Variants in ZHX2 observed in about 807,000 individuals in gnomAD.
ZHX2 encodes the protein zinc fingers and homeoboxes 2.
In ZHX2, 6 loss-of-function variants were observed where a neutral mutation model predicts 21.9. The observed-to-expected ratio is 0.27, with a 90% CI of 0.15 to 0.54. ZHX2 has a LOEUF of 0.54. Among genes scored for constraint, ZHX2 ranks in the 20% least tolerant of loss-of-function variants. The probability of loss-of-function intolerance (pLI) is 0.95; values close to 1 mark genes in which losing one functional copy is unlikely to be tolerated. For missense variants in ZHX2, 908 were observed against 1,090.7 expected (o/e 0.83, Z 2.36); for synonymous variants, 434 against 437.1 (o/e 0.99, Z 0.09).
chr8:122,860,731 C>T (rs1819144914), intron 1 of ZHX2, among the ~76,000 whole-genome samples: 1 of 152,038 alleles, frequency 6.6e-6, no homozygotes. Flanking sequence ...CAGTTGCAGG[C>T]TTTGCTGAAA....
At chr8:122,884,760 G>T (rs1819800909) in intron 2 of ZHX2, among the ~76,000 whole-genome samples, 1 of 152,166 alleles carries the variant, frequency 6.6e-6, no homozygotes, top group Admixed American at 6.5e-5. Flanking sequence ...GGGAGCATGT[G>T]AGCCCGGTCC....
chr8:122,932,854 G>T (rs1456557604), intron 2 of ZHX2, among the ~76,000 whole-genome samples: 7 of 152,040 alleles, frequency 4.6e-5, no homozygotes, highest in Non-Finnish European at 8.8e-5. Context: ...ACCACACCCT[G>T]GGTCCTGTGT....
chr8:122,881,071 G>A (rs72717986), intron 2 of ZHX2, among the ~76,000 whole-genome samples: 4 of 152,294 alleles, frequency 2.6e-5, no homozygotes, highest in East Asian at 1.9e-4. Context: ...ATTGACCTAC[G>A]TGACTGAGTG....
At chr8:122,886,631 C>T (rs1819847819) in intron 2 of ZHX2, among the ~76,000 whole-genome samples, 1 of 152,118 alleles carries the variant, frequency 6.6e-6, no homozygotes, top group Admixed American at 6.5e-5. Flanking sequence ...GACCTAAAAC[C>T]ACTCTAAAAA....
intron 1 of ZHX2, among the ~76,000 whole-genome samples, chr8:122,793,517 C>G (rs1817561472): frequency 6.6e-6 from 1 of 152,210 alleles, no homozygotes; most frequent in Non-Finnish European, 1.5e-5. Context: ...CTGGATGATA[C>G]TTGGGGCAGC....
At chr8:122,967,306 G>A (rs1490872675) in intron 3 of ZHX2, among the ~76,000 whole-genome samples, 1 of 152,110 alleles carries the variant, frequency 6.6e-6, no homozygotes, top group African/African-American at 2.4e-5. Flanking sequence ...GGAACTCAAG[G>A]GCTGCTGTTC....
intron 1 of ZHX2, among the ~76,000 whole-genome samples, chr8:122,824,925 C>G (rs532541041): frequency 2.0e-5 from 3 of 152,310 alleles, no homozygotes; most frequent in African/African-American, 7.2e-5. Flanking sequence ...AGCCCCCGTC[C>G]ATCTTCAAAG....
chr8:122,873,938 G>A (rs555426347), intron 2 of ZHX2, among the ~76,000 whole-genome samples: 35 of 152,264 alleles, frequency 2.3e-4, no homozygotes, highest in South Asian at 1.2e-3. Flanking sequence ...AGACTCTGAC[G>A]TTCATTGGCT....
At chr8:122,908,344 C>T (rs1297368182) in intron 2 of ZHX2, among the ~76,000 whole-genome samples, 1 of 152,202 alleles carries the variant, frequency 6.6e-6, no homozygotes, top group South Asian at 2.1e-4. Flanking sequence ...GGATTACAGG[C>T]GTGTGCCACC....
At chr8:122,856,886 A>T (rs1250917468) in intron 1 of ZHX2, among the ~76,000 whole-genome samples, 1 of 152,102 alleles carries the variant, frequency 6.6e-6, no homozygotes, top group Non-Finnish European at 1.5e-5. Context: ...CCAACTCTTC[A>T]GTGGCTTCCC....
intron 2 of ZHX2, among the ~76,000 whole-genome samples, chr8:122,864,286 G>C (rs1819235840): frequency 6.7e-6 from 1 of 149,954 alleles, no homozygotes; most frequent in Non-Finnish European, 1.5e-5. Context: ...CAAATGCTCA[G>C]CATTGCCTCC....
chr8:122,879,427 A>G (rs753626884), intron 2 of ZHX2, among the ~76,000 whole-genome samples: 72 of 151,662 alleles, frequency 4.7e-4, no homozygotes, highest in Non-Finnish European at 9.0e-4. Flanking sequence ...GGATGGTCTC[A>G]ATCTCTTGAC....
At chr8:122,969,782 T>G (rs1424034960) in intron 3 of ZHX2, among the ~76,000 whole-genome samples, 1 of 152,148 alleles carries the variant, frequency 6.6e-6, no homozygotes, top group Admixed American at 6.5e-5. Flanking sequence ...TTGTTTTCCT[T>G]TCTCCTGGAG....
At chr8:122,796,463 A>G (rs1817614626) in intron 1 of ZHX2, among the ~76,000 whole-genome samples, 1 of 152,208 alleles carries the variant, frequency 6.6e-6, no homozygotes, top group Non-Finnish European at 1.5e-5. Flanking sequence ...TTAGTGTGCC[A>G]TCTTGTGTAA....
chr8:122,943,059 C>G (rs1304607156), intron 2 of ZHX2, among the ~76,000 whole-genome samples: 4 of 151,982 alleles, frequency 2.6e-5, no homozygotes, highest in African/African-American at 4.8e-5. Context: ...GTCAGGAGTT[C>G]GAGACCAGCC....
chr8:122,848,992 G>A (rs190139607), intron 1 of ZHX2, among the ~76,000 whole-genome samples: 2 of 152,316 alleles, frequency 1.3e-5, no homozygotes, highest in African/African-American at 4.8e-5. Flanking sequence ...GTCTCTTCGC[G>A]GCTGCTTGCC....
chr8:122,952,694 T>A lies in ZHX2; in HGVS notation c.1184T>A (p.Leu395His). The A allele has an allele frequency of 6.2e-7, 1 of 1,614,038 alleles. No individual in the cohort carries two copies. Among genetic ancestry groups the A allele is most frequent in the South Asian group, 1.1e-5 (1 of 91,080 alleles). ...ACCGTCTCTTGCTCCCCCATCACACTTGCCGTGGCAGGAGTCACCAACCAT... is the reference window on the plus strand; with the variant it reads ...ACCGTCTCTTGCTCCCCCATCACACATGCCGTGGCAGGAGTCACCAACCAT... ...STTVSCSPIT[L>H]AVAGVTNHGQ... Residue 395 changes from leucine to histidine, a missense_variant, in exon 3 of 4, where the codon CTT becomes CAT. Leu to His is a moderately conservative substitution (Grantham distance 99). Transcript: ENST00000314393. This position sits in a 1 kb window ranked among gnomAD's most constrained non-coding sequence, Gnocchi z 6.9.
At chr8:122,966,783 G>A (rs6989624) in intron 3 of ZHX2, among the ~76,000 whole-genome samples, 110,421 of 152,054 alleles carry the variant, frequency 0.73, 41,148 homozygotes, top group African/African-American at 0.91. Context: ...TTCCTCAGAA[G>A]CACCATTATT....
chr8:122,838,319 A>G (rs1056552540), intron 1 of ZHX2, among the ~76,000 whole-genome samples: 4 of 152,166 alleles, frequency 2.6e-5, no homozygotes, highest in Admixed American at 2.0e-4. Context: ...CATCCCTCAC[A>G]TGCCCTTTGT....
Sources: allele counts gnomAD v4.1 joint callset (sites outside exome capture counted in the v4.1 genomes callset), GRCh38; gene constraint gnomAD v4.1.1; non-coding constraint Gnocchi (gnomAD v3.1); transcripts MANE v1.5; gene names NCBI Gene and HGNC (gene_info 2026-07-23, HGNC 2026-07-21).